Variants in NWD1 observed in about 807,000 individuals in gnomAD.
NWD1 encodes NACHT domain- and WD repeat-containing protein 1.
Under a neutral mutation model 135.1 loss-of-function variants are expected in NWD1, and 129 were observed. That is an observed-to-expected ratio of 0.96 (90% CI 0.83 to 1.11). NWD1 has a LOEUF of 1.11. Among genes scored for constraint, NWD1 ranks in the 50% least tolerant of loss-of-function variants. The pLI, the probability that NWD1 is intolerant of heterozygous loss-of-function variation, is 0.00. For synonymous variants in NWD1, 773 were observed against 786.0 expected, an observed-to-expected ratio of 0.98 and a Z score of 0.28; for missense variants, 1,740 against 1,851.3, an observed-to-expected ratio of 0.94 and a Z score of 1.10.
chr19:16,750,193 G>C lies in NWD1; in HGVS notation c.1551G>C (p.Pro517=). The C allele has an allele frequency of 1.2e-6, 2 of 1,613,258 alleles. No individual in the cohort carries two copies. The highest frequency in any genetic ancestry group is 1.7e-6 in the Non-Finnish European group (2 of 1,179,682). ...CAGCTGCAAGGAGGACGCTGAGCCC[G>C]GTGCACACAGATTTGCTCTGGGCCA... ...LLAAARRTLS[P]VHTDLLWASL... The change falls in exon 6 of 19, where the codon CCG becomes CCC. Residue 517 remains proline, a synonymous_variant. Transcript: ENST00000524140.
rs142696906 is a variant in NWD1 at position 16,765,629 on chromosome 19, C to A, written c.2410+437C>A. ...GATTATAGATAGACATGAGCCATGG[C>A]GCCTGGCCTAGAATTTTAAATTGAG... On this transcript the variant is annotated intron_variant, in intron 10 of 18. Transcript: ENST00000524140. Among the ~76,000 whole-genome samples the A allele has an allele frequency of 3.0e-3, 459 of 152,180 alleles. 1 individual carries two copies. The highest frequency in any genetic ancestry group is 5.3e-3 in the Non-Finnish European group (360 of 67,996).
chr19:16,788,265 TAATAATAA>T (rs1568381210), intron 12 of NWD1, among the ~76,000 whole-genome samples: 2 of 128,514 alleles, frequency 1.6e-5, no homozygotes, highest in African/African-American at 7.7e-5. Flanking sequence ...ATAATAATAA[TAATAATAA>T]TAATAATAAT....
At chr19:16,758,321 G>T (rs1297556686) in intron 6 of NWD1, among the ~76,000 whole-genome samples, 1 of 152,152 alleles carries the variant, frequency 6.6e-6, no homozygotes, top group Non-Finnish European at 1.5e-5. Flanking sequence ...CTTTTGCCCA[G>T]TCTGGAGTGC....
In NWD1 at chr19:16,807,726, A is replaced by T. The variant is rs3745320; in HGVS notation, c.3877A>T (p.Ile1293Phe). The change falls in exon 18 of 19, where the codon ATT (isoleucine) becomes TTT (phenylalanine). Residue 1293 changes from isoleucine (I) to phenylalanine (F), a missense_variant. Physicochemically the swap from Ile to Phe is conservative, Grantham distance 21. Transcript: ENST00000524140. Reference sequence around the variant, plus strand: ...GAATTCCAGGCAGGACGTGATATGCATTCCCCCTCCCGAGGCCCGGAAAGC... The same window carrying T: ...GAATTCCAGGCAGGACGTGATATGCTTTCCCCCTCCCGAGGCCCGGAAAGC... ...PLNSRQDVIC[I>F]PPPEARKAIN... 1 of 1,613,426 alleles carries T rather than the reference A, an allele frequency of 6.2e-7. No homozygotes were observed. The highest frequency in any genetic ancestry group is 8.5e-7 in the Non-Finnish European group (1 of 1,179,596).
chr19:16,722,447 G>A (rs1257167284), intron 1 of NWD1, among the ~76,000 whole-genome samples: 4 of 151,722 alleles, frequency 2.6e-5, no homozygotes, highest in South Asian at 2.1e-4. Context: ...GAACCATCAC[G>A]CCCAGCTAAT....
chr19:16,736,173 T>TTTCTTTCC (rs1336396837), intron 3 of NWD1, among the ~76,000 whole-genome samples: 2,321 of 68,410 alleles, frequency 0.034, 72 homozygotes, highest in African/African-American at 0.14. Context: ...TGGCAGTCTT[T>TTTCTTTCC]TTCTTTCCTT....
intron 18 of NWD1, among the ~76,000 whole-genome samples, chr19:16,809,609 C>A (rs2144522120): frequency 6.8e-6 from 1 of 146,172 alleles, no homozygotes; most frequent in South Asian, 2.1e-4. Context: ...GGCTGGAGTG[C>A]AGTGGTGCGA....
chr19:16,720,358 G>C (rs550284272), intron 1 of NWD1, 65 bp downstream of exon 1: 19 of 152,306 alleles, frequency 1.2e-4, no homozygotes, highest in African/African-American at 4.6e-4. Context: ...GGGTCACTAC[G>C]CAATGGGATG....
chr19:16,784,944 C>A (rs1969988453), intron 12 of NWD1, among the ~76,000 whole-genome samples: 1 of 149,702 alleles, frequency 6.7e-6, no homozygotes, highest in Non-Finnish European at 1.5e-5. Flanking sequence ...AAAAAAAAAA[C>A]AACAAAACAA....
chr19:16,808,275 C>T (rs1202012279), intron 18 of NWD1, 139 bp downstream of exon 18: 124 of 757,296 alleles, frequency 1.6e-4, no homozygotes, highest in Admixed American at 2.6e-5. Context: ...CTTGGTCAGG[C>T]GCAGTGGCTC....
intron 7 of NWD1, among the ~76,000 whole-genome samples, chr19:16,761,609 C>T (rs576420653): frequency 2.8e-4 from 43 of 151,988 alleles, no homozygotes; most frequent in African/African-American, 5.8e-4. Context: ...GTGATGCACC[C>T]GCCTCAGCCT....
At chr19:16,733,886 C>T (rs1744630478) in intron 3 of NWD1, among the ~76,000 whole-genome samples, 1 of 152,052 alleles carries the variant, frequency 6.6e-6, no homozygotes, top group African/African-American at 2.4e-5. Context: ...ATTGTTCCTC[C>T]CCCTTTCTTC....
At chr19:16,761,899 A>C (rs1452218943) in intron 7 of NWD1, 80 bp from the exon 8 acceptor site, 2 of 1,230,128 alleles carry the variant, frequency 1.6e-6, no homozygotes, top group Non-Finnish European at 2.3e-6. Context: ...GGATTTGGGA[A>C]CTGCCTCCAG....
chr19:16,738,811 T>C (rs1431880984), intron 4 of NWD1, among the ~76,000 whole-genome samples: 3 of 139,010 alleles, frequency 2.2e-5, no homozygotes, highest in Non-Finnish European at 4.6e-5. Flanking sequence ...CATACTATTA[T>C]ATGTATAATA....
At chr19:16,723,868 G>A (rs754821899) in intron 1 of NWD1, among the ~76,000 whole-genome samples, 1 of 152,010 alleles carries the variant, frequency 6.6e-6, no homozygotes, top group Non-Finnish European at 1.5e-5. Flanking sequence ...GCTAATTTTT[G>A]TATTTTTAGT....
At chr19:16,764,454 G>T (rs1320128554) in intron 9 of NWD1, among the ~76,000 whole-genome samples, 2 of 144,548 alleles carry the variant, frequency 1.4e-5, no homozygotes, top group African/African-American at 5.2e-5. Flanking sequence ...ATTGAGCCAT[G>T]AGCTGGTTAT....
intron 18 of NWD1, chr19:16,812,908 G>C: frequency 1.3e-6 from 1 of 779,182 alleles, no homozygotes; most frequent in Non-Finnish European, 2.4e-6. Flanking sequence ...AAAAGGCTCT[G>C]ACCTGGGTCC....
At chr19:16,723,342 G>A (rs1967206967) in intron 1 of NWD1, among the ~76,000 whole-genome samples, 1 of 152,168 alleles carries the variant, frequency 6.6e-6, no homozygotes, top group African/African-American at 2.4e-5. Context: ...GGGACTACAG[G>A]TGTGCACCAC....
At chr19:16,754,945 C>T (rs2122842366) in intron 6 of NWD1, among the ~76,000 whole-genome samples, 1 of 152,214 alleles carries the variant, frequency 6.6e-6, no homozygotes, top group South Asian at 2.1e-4. Context: ...TTCTCTATGT[C>T]CCATCGATAA....
Sources: allele counts gnomAD v4.1 joint callset (sites outside exome capture counted in the v4.1 genomes callset), GRCh38; gene constraint gnomAD v4.1.1; transcripts MANE v1.5; gene names NCBI Gene and HGNC (gene_info 2026-07-23, HGNC 2026-07-21).